Variants in MAPK10 observed in about 807,000 individuals in gnomAD.
The protein encoded by MAPK10 is mitogen-activated protein kinase 10.
A neutral mutation model predicts 59.3 loss-of-function variants in MAPK10; 25 were observed. The ratio of observed to expected loss-of-function variants is 0.42; its 90% confidence interval spans 0.31 to 0.59. The LOEUF (loss-of-function observed/expected upper bound fraction) is 0.59. Among genes scored for constraint, MAPK10 ranks in the 20% least tolerant of loss-of-function variants. MAPK10 has a pLI of 0.15. For synonymous variants in MAPK10, 190 were observed against 200.5 expected, an observed-to-expected ratio of 0.95 and a Z score of 0.44; for missense variants, 351 against 568.9, an observed-to-expected ratio of 0.62 and a Z score of 3.90.
chr4:86,070,321 A>T (rs1409097161), intron 9 of MAPK10, among the ~76,000 whole-genome samples: 1 of 151,716 alleles, frequency 6.6e-6, no homozygotes, highest in African/African-American at 2.4e-5. Flanking sequence ...ACTATGTCCA[A>T]TTTAGTTGAG....
At chr4:86,543,543 G>A (rs1758898019) in intron 1 of MAPK10, among the ~76,000 whole-genome samples, 1 of 152,148 alleles carries the variant, frequency 6.6e-6, no homozygotes, top group South Asian at 2.1e-4. Context: ...AAAATCTACT[G>A]TCCTTTATTC....
chr4:86,142,119 C>T (rs1034512543), intron 4 of MAPK10, among the ~76,000 whole-genome samples: 1 of 152,138 alleles, frequency 6.6e-6, no homozygotes, highest in African/African-American at 2.4e-5. Context: ...AGGGATCCAC[C>T]GCCAAACCTA....
In MAPK10 at chr4:86,185,899, G is replaced by C. The variant is rs187784207; in HGVS notation, c.66+8437C>G. ...TGTTGCTTTGGAATGCGTACAGTCT[G>C]ATATGCCTATTTGACATCTAAGTGG... On this transcript the variant is annotated intron_variant, in intron 3 of 13. Transcript: ENST00000641462. 5.8e-3 allele frequency among the ~76,000 whole-genome samples: 850 copies of C among 147,670 alleles called. 9 individuals carry two copies. The highest frequency in any genetic ancestry group is 0.021 in the African/African-American group (813 of 39,494).
intron 1 of MAPK10, among the ~76,000 whole-genome samples, chr4:86,474,594 T>C (rs2149067505): frequency 6.6e-6 from 1 of 152,236 alleles, no homozygotes; most frequent in Middle Eastern, 3.4e-3. Flanking sequence ...TCTCTGAAAA[T>C]GTTAATTTTT....
intron 11 of MAPK10, among the ~76,000 whole-genome samples, chr4:86,042,436 C>T (rs758582995): frequency 7.9e-5 from 12 of 152,058 alleles, no homozygotes; most frequent in Non-Finnish European, 1.2e-4. Context: ...ACATATTTAC[C>T]TATGTAACAA....
chr4:86,031,134 A>C (rs1171565558), intron 12 of MAPK10, among the ~76,000 whole-genome samples: 1 of 152,188 alleles, frequency 6.6e-6, no homozygotes, highest in Non-Finnish European at 1.5e-5. Flanking sequence ...ACAAACACTG[A>C]CAATCAGTAC....
intron 1 of MAPK10, among the ~76,000 whole-genome samples, chr4:86,486,787 G>A (rs747493347): frequency 1.3e-5 from 2 of 152,186 alleles, no homozygotes; most frequent in Non-Finnish European, 2.9e-5. Flanking sequence ...GGTTGAAAGA[G>A]GGAAATAGTA....
At chr4:86,049,215 T>C (rs922654691) in intron 11 of MAPK10, among the ~76,000 whole-genome samples, 19 of 152,072 alleles carry the variant, frequency 1.2e-4, no homozygotes, top group African/African-American at 4.3e-4. Context: ...TGCTTTAATA[T>C]AGATTGATGA....
At chr4:86,078,220 T>A (rs2049905229) in intron 9 of MAPK10, among the ~76,000 whole-genome samples, 3 of 152,160 alleles carry the variant, frequency 2.0e-5, no homozygotes, top group African/African-American at 7.2e-5. Context: ...AAGAGTAAAA[T>A]ACTAACATGT....
upstream of MAPK10, among the ~76,000 whole-genome samples, chr4:86,364,051 G>C (rs1024476221): frequency 6.6e-6 from 1 of 151,826 alleles, no homozygotes; most frequent in Non-Finnish European, 1.5e-5. Flanking sequence ...CAAAGTTCTG[G>C]GATTACAGAC....
chr4:86,316,841 C>T (rs189234808), intron 2 of MAPK10, among the ~76,000 whole-genome samples: 12 of 152,242 alleles, frequency 7.9e-5, no homozygotes, highest in Admixed American at 6.5e-4. Context: ...ACGGCATTAG[C>T]GGCAGCCAGT....
intron 3 of MAPK10, among the ~76,000 whole-genome samples, chr4:86,174,823 C>T (rs184066010): frequency 1.1e-4 from 16 of 152,208 alleles, no homozygotes; most frequent in African/African-American, 3.4e-4. Context: ...GTATGTTCTT[C>T]ATTCTATATT....
chr4:86,406,978 C>A (rs887135080), intron 1 of MAPK10, among the ~76,000 whole-genome samples: 1 of 152,306 alleles, frequency 6.6e-6, no homozygotes, highest in African/African-American at 2.4e-5. Flanking sequence ...ATCTCCTGCA[C>A]AACCCATGTT....
At chr4:86,394,182 T>C (rs1268616344) in intron 1 of MAPK10, among the ~76,000 whole-genome samples, 7 of 151,960 alleles carry the variant, frequency 4.6e-5, no homozygotes, top group Non-Finnish European at 1.0e-4. Flanking sequence ...GGCAGGAGAA[T>C]TGCTTGAACC....
intron 2 of MAPK10, among the ~76,000 whole-genome samples, chr4:86,202,203 C>A (rs2082776180): frequency 6.6e-6 from 1 of 151,730 alleles, no homozygotes; most frequent in Non-Finnish European, 1.5e-5. Context: ...TCAAACTGTT[C>A]ATTTTCAGCA....
chr4:86,455,688 G>C (rs1203070279), upstream of MAPK10, among the ~76,000 whole-genome samples: 1 of 152,090 alleles, frequency 6.6e-6, no homozygotes, highest in Non-Finnish European at 1.5e-5. Flanking sequence ...AAATGAGATA[G>C]ACAGCAACAC....
intron 1 of MAPK10, among the ~76,000 whole-genome samples, chr4:86,428,436 T>G (rs1027901093): frequency 6.6e-6 from 1 of 152,104 alleles, no homozygotes; most frequent in Non-Finnish European, 1.5e-5. Flanking sequence ...TGGGATTACA[T>G]GCATGAGCCA....
rs186770648 is a variant in MAPK10, at chr4:86,112,793, G to A, written c.237-5441C>T. On this transcript the variant is annotated intron_variant, in intron 4 of 13. Coordinates refer to ENST00000641462, the MANE Select transcript of MAPK10 (RefSeq NM_138982.4). ...TGTTAATTTTTTGTCTCGATGATCT[G>A]CCTAATATTGACAGTGGGGTGTTAA... Among the ~76,000 whole-genome samples the A allele has an allele frequency of 7.2e-4, 110 of 152,208 alleles. 1 individual carries two copies. The highest frequency in any genetic ancestry group is 2.8e-4 in the Non-Finnish European group (19 of 68,000).
chr4:86,247,128 G>A (rs980969848), intron 2 of MAPK10, among the ~76,000 whole-genome samples: 1 of 152,178 alleles, frequency 6.6e-6, no homozygotes, highest in African/African-American at 2.4e-5. Flanking sequence ...AAAGAAGGAA[G>A]AGGGAAGAAC....
Sources: gnomAD v4.1 joint callset for allele counts (sites outside exome capture counted in the v4.1 genomes callset) on GRCh38, gnomAD v4.1.1 for gene constraint, MANE v1.5 for transcripts, NCBI Gene and HGNC (gene_info 2026-07-23, HGNC 2026-07-21) for gene names.